Variants in GNG12 observed in about 807,000 individuals in gnomAD.
The protein encoded by GNG12 is G protein subunit gamma 12.
For missense variants in GNG12, 69 were observed against 83.8 expected (o/e 0.82, Z 0.69); for synonymous variants, 28 against 29.7 (o/e 0.94, Z 0.19).
chr1:67,781,511 A>G (rs1212496797), intron 1 of GNG12, among the ~76,000 whole-genome samples: 2 of 152,226 alleles, frequency 1.3e-5, no homozygotes, highest in Non-Finnish European at 2.9e-5. Context: ...ACGTATACAA[A>G]TAAGTAAATA....
intron 1 of GNG12, chr1:67,832,168 G>C (rs762740852): frequency 4.6e-5 from 7 of 152,244 alleles, no homozygotes; most frequent in African/African-American, 7.2e-5. Flanking sequence ...CTAATCATGT[G>C]AAGTTTGTCC....
intron 1 of GNG12, among the ~76,000 whole-genome samples, chr1:67,782,908 A>G (rs1443521511): frequency 2.0e-5 from 3 of 152,138 alleles, no homozygotes; most frequent in African/African-American, 7.2e-5. Context: ...TTATGTTACT[A>G]TGGCCATAGT....
chr1:67,770,301 C>T (rs1646666559), intron 2 of GNG12, among the ~76,000 whole-genome samples: 1 of 152,158 alleles, frequency 6.6e-6, no homozygotes, highest in Admixed American at 6.5e-5. Context: ...AGGGCTCAGC[C>T]TTTCTTCTCC....
chr1:67,719,578 G>A (rs1213669240), intron 2 of GNG12, among the ~76,000 whole-genome samples: 1 of 152,180 alleles, frequency 6.6e-6, no homozygotes, highest in Non-Finnish European at 1.5e-5. Flanking sequence ...AGTGCCTACT[G>A]TGTATAAATA....
intron 1 of GNG12, among the ~76,000 whole-genome samples, chr1:67,803,994 G>A (rs946756751): frequency 6.6e-6 from 1 of 152,202 alleles, no homozygotes; most frequent in African/African-American, 2.4e-5. Flanking sequence ...AGGATGGATG[G>A]AGTCCAGGCA....
At chr1:67,820,262 G>A (rs991236328) in intron 1 of GNG12, among the ~76,000 whole-genome samples, 1 of 151,944 alleles carries the variant, frequency 6.6e-6, no homozygotes, top group Non-Finnish European at 1.5e-5. Context: ...GGTGGCATAT[G>A]CCTATAGTCC....
At chr1:67,812,199 C>A (rs926971458) in intron 1 of GNG12, among the ~76,000 whole-genome samples, 1 of 152,082 alleles carries the variant, frequency 6.6e-6, no homozygotes, top group African/African-American at 2.4e-5. Flanking sequence ...ATTTTCTCTA[C>A]TCTGGCAATG....
At chr1:67,728,413 C>T (rs1266487865) in intron 2 of GNG12, among the ~76,000 whole-genome samples, 2 of 152,194 alleles carry the variant, frequency 1.3e-5, no homozygotes, top group Non-Finnish European at 1.5e-5. Flanking sequence ...GCTTCCTCGT[C>T]CCCAACAAAG....
chr1:67,763,744 CA>C, intron 2 of GNG12, among the ~76,000 whole-genome samples: 1 of 152,166 alleles, frequency 6.6e-6, no homozygotes, highest in African/African-American at 2.4e-5. Context: ...GCTATAATTC[CA>C]AATCCACCCC....
chr1:67,747,745 A>G (rs1646515465), intron 2 of GNG12, among the ~76,000 whole-genome samples: 1 of 152,218 alleles, frequency 6.6e-6, no homozygotes, highest in Non-Finnish European at 1.5e-5. Context: ...GCTCATCTCT[A>G]AAGATTTGAA....
intron 2 of GNG12, among the ~76,000 whole-genome samples, chr1:67,729,089 G>A (rs1281130859): frequency 6.6e-6 from 1 of 151,832 alleles, no homozygotes; most frequent in African/African-American, 2.4e-5. Context: ...CCTTGGGCAC[G>A]TTCTTCACAT....
chr1:67,709,244 G>C (rs982960969), intron 2 of GNG12, among the ~76,000 whole-genome samples: 3 of 152,186 alleles, frequency 2.0e-5, no homozygotes, highest in Non-Finnish European at 4.4e-5. Flanking sequence ...TCCATGAACT[G>C]CAGCTGCTAG....
At chr1:67,763,356 T>C (rs1303927650) in intron 2 of GNG12, among the ~76,000 whole-genome samples, 1 of 152,220 alleles carries the variant, frequency 6.6e-6, no homozygotes, top group Non-Finnish European at 1.5e-5. Flanking sequence ...TCTTTAGTCT[T>C]CTTGACTCTG....
At chr1:67,725,795 T>C (rs953229447) in intron 2 of GNG12, among the ~76,000 whole-genome samples, 25 of 152,352 alleles carry the variant, frequency 1.6e-4, no homozygotes, top group African/African-American at 5.3e-4. Flanking sequence ...TATTTCAGAA[T>C]GTCTCCAGTT....
chr1:67,783,195 C>T (rs1646747068), intron 1 of GNG12, among the ~76,000 whole-genome samples: 1 of 152,148 alleles, frequency 6.6e-6, no homozygotes, highest in Admixed American at 6.6e-5. Flanking sequence ...TACACATAGA[C>T]ATAAGTGTTT....
chr1:67,797,211 GATTATACCA>G (rs1471202300), intron 1 of GNG12, among the ~76,000 whole-genome samples: 3 of 152,090 alleles, frequency 2.0e-5, no homozygotes, highest in Non-Finnish European at 4.4e-5. Context: ...TTCTCAATGG[GATTATACCA>G]TCATGAGTTA....
At chr1:67,745,364 T>A (rs187426040) in intron 2 of GNG12, among the ~76,000 whole-genome samples, 2 of 152,288 alleles carry the variant, frequency 1.3e-5, no homozygotes, top group African/African-American at 4.8e-5. Flanking sequence ...AGATCTGACA[T>A]GAATTACTGC....
chr1:67,795,282 G>C (rs1441068124), intron 1 of GNG12, among the ~76,000 whole-genome samples: 1 of 152,152 alleles, frequency 6.6e-6, no homozygotes, highest in East Asian at 1.9e-4. Context: ...GATGTACCCA[G>C]ACCAAAGGTC....
At chr1:67,803,886 C>G (rs141474318) in intron 1 of GNG12, among the ~76,000 whole-genome samples, 4 of 152,168 alleles carry the variant, frequency 2.6e-5, no homozygotes, top group African/African-American at 4.8e-5. Flanking sequence ...CAAAACAAAA[C>G]AAAACAAAAC....
Sources: allele counts gnomAD v4.1 joint callset (sites outside exome capture counted in the v4.1 genomes callset), GRCh38; gene constraint gnomAD v4.1.1; transcripts MANE v1.5; gene names NCBI Gene and HGNC (gene_info 2026-07-23, HGNC 2026-07-21).